The following UGT1A5 variants were observed in gnomAD, a reference collection of about 807,000 sequenced individuals.
The protein encoded by UGT1A5 is UDP-glucuronosyltransferase 1A5.
In UGT1A5, 29 loss-of-function variants were observed where a neutral mutation model predicts 40.3. The ratio of observed to expected loss-of-function variants is 0.72; its 90% CI spans 0.54 to 0.98. The LOEUF (loss-of-function observed/expected upper bound fraction) is 0.98, where lower values mean the gene tolerates loss of function less well. Among genes scored for constraint, UGT1A5 ranks in the 50% least tolerant of loss-of-function variants. The pLI is 0.00. For synonymous variants in UGT1A5, 257 were observed against 262.5 expected (o/e 0.98, Z 0.20); for missense variants, 678 against 677.9 (o/e 1.00, Z 0.00).
At chr2:233,735,563 C>T (rs530958068) in intron 1 of UGT1A5, among the ~76,000 whole-genome samples, 4 of 152,230 alleles carry the variant, frequency 2.6e-5, no homozygotes, top group East Asian at 1.9e-4. Flanking sequence ...ATGGTGTTAT[C>T]GGGTTATTTT....
At chr2:233,714,888 A>ATCTTTTTTTTT (rs148944858) in intron 1 of UGT1A5, among the ~76,000 whole-genome samples, 2 of 151,904 alleles carry the variant, frequency 1.3e-5, no homozygotes, top group African/African-American at 2.4e-5. Context: ...AAATTTTTCT[A>ATCTTTTTTTTT]TCTTTTGAGA....
In UGT1A5 at chr2:233,713,795, G is replaced by A. The variant is rs371219022; in HGVS notation, c.804G>A (p.Pro268=). The A allele has an allele frequency of 4.3e-5, 69 of 1,614,024 alleles. No homozygotes were observed. Among genetic ancestry groups the A allele is most frequent in the African/African-American group, 1.5e-4 (11 of 75,032 alleles). The part of the protein sequence containing the change: ...RGDFVMDYPR[P]IMPNMVFIGG... ...ACTTTGTGATGGATTACCCCAGGCC[G>A]ATCATGCCCAACATGGTCTTCATTG... Residue 268 remains proline (P), a synonymous_variant, in exon 1 of 5, where the codon CCG becomes CCA. Transcript: ENST00000373414.
At chr2:233,733,770 T>C (rs1256243948) in intron 1 of UGT1A5, among the ~76,000 whole-genome samples, 2 of 152,350 alleles carry the variant, frequency 1.3e-5, no homozygotes, top group East Asian at 3.9e-4. Context: ...AATTTTCTTT[T>C]TTTGTTGTGT....
At chr2:233,734,729 GT>G (rs200668434) in intron 1 of UGT1A5, among the ~76,000 whole-genome samples, 10,395 of 152,166 alleles carry the variant, frequency 0.068, 499 homozygotes, top group East Asian at 0.2. Flanking sequence ...GTTCTCGTCG[GT>G]TTCAAAGAAC....
At chr2:233,720,075 T>C (rs1197503417) in intron 1 of UGT1A5, among the ~76,000 whole-genome samples, 1 of 152,184 alleles carries the variant, frequency 6.6e-6, no homozygotes, top group Admixed American at 6.5e-5. Flanking sequence ...ATTAGAATTG[T>C]GGACATGATA....
At position 233,750,714 on chromosome 2, in the gene UGT1A5, G is replaced by A. The variant is rs569716311; in HGVS notation, c.868-16320G>A. On this transcript the variant is annotated intron_variant, in intron 1 of 4. Coordinates refer to ENST00000373414, the MANE Select transcript of UGT1A5 (RefSeq NM_019078.2). ...TAAAAGAGGCCAAGGTAGAGCTCAG[G>A]CCATTGCTTCAGAGGGTGCAAACCT... The A allele has an allele frequency of 6.6e-5, 10 of 152,072 alleles. No individual in the cohort carries two copies. In the South Asian group the frequency reaches 8.3e-4, roughly 13 times the overall value. The allele number at this position is 152,072 out of a possible 1,614,324, so 9.4% of individuals were successfully genotyped here. A position where few individuals can be genotyped will look rare whatever the true frequency, so the allele number is the denominator to read the frequency against.
intron 1 of UGT1A5, among the ~76,000 whole-genome samples, chr2:233,733,322 C>A (rs1174900134): frequency 6.6e-6 from 1 of 152,146 alleles, no homozygotes; most frequent in African/African-American, 2.4e-5. Context: ...CCTGATTGCC[C>A]TGGCCAGAAC....
chr2:233,738,651 A>G (rs1690862678), intron 1 of UGT1A5, among the ~76,000 whole-genome samples: 1 of 152,234 alleles, frequency 6.6e-6, no homozygotes, highest in Non-Finnish European at 1.5e-5. Context: ...GCTCTTTGGA[A>G]CTACGAACTT....
chr2:233,735,048 A>G lies in UGT1A5; in HGVS notation c.867+21190A>G, dbSNP rs536875851. On this transcript the variant is annotated intron_variant, in intron 1 of 4. Coordinates refer to ENST00000373414, the MANE Select transcript of UGT1A5 (RefSeq NM_019078.2). ...ATTAGGTCTGCTTGGTGCAGAGCTG[A>G]GTTCAGGTCCTGGATATCCTTGTTA... Among the ~76,000 whole-genome samples the G allele has an allele frequency of 3.9e-5, 6 of 152,322 alleles. No individual in the cohort carries two copies. The South Asian group carries it at 1.2e-3, about 32-fold the overall frequency.
chr2:233,756,509 C>T (rs138449392), intron 1 of UGT1A5, among the ~76,000 whole-genome samples: 7 of 151,986 alleles, frequency 4.6e-5, no homozygotes, highest in African/African-American at 1.7e-4. Context: ...TATGGAGGGT[C>T]AAATGTGCAT....
At chr2:233,741,088 C>T (rs758751982) in intron 1 of UGT1A5, among the ~76,000 whole-genome samples, 13 of 151,840 alleles carry the variant, frequency 8.6e-5, no homozygotes, top group Non-Finnish European at 1.9e-4. Flanking sequence ...TTAAAACAAA[C>T]AAGCAAACAG....
chr2:233,767,212 G>A (rs377453564), intron 2 of UGT1A5, 47 bp downstream of exon 2: 197 of 1,612,180 alleles, frequency 1.2e-4, no homozygotes, highest in Admixed American at 3.0e-4. Context: ...TCACAGGAGC[G>A]CTAATCCCAG....
At chr2:233,724,475 T>A (rs568755731) in intron 1 of UGT1A5, among the ~76,000 whole-genome samples, 8 of 68,812 alleles carry the variant, frequency 1.2e-4, no homozygotes, top group Non-Finnish European at 1.5e-4. Flanking sequence ...GGCTCCTCAC[T>A]TCTCAGACGG....
intron 1 of UGT1A5, chr2:233,741,740 C>T (rs1158976781): frequency 6.6e-6 from 1 of 151,864 alleles, no homozygotes; most frequent in Non-Finnish European, 1.5e-5. Flanking sequence ...CCATATCACA[C>T]TCTTTGTTGG....
chr2:233,743,990 C>T (rs541433916), intron 1 of UGT1A5: 26 of 1,267,206 alleles, frequency 2.1e-5, no homozygotes, highest in Admixed American at 2.4e-5. Context: ...GGCGCAGGCC[C>T]GAGTGCTCGG....
intron 1 of UGT1A5, among the ~76,000 whole-genome samples, chr2:233,759,584 C>T (rs1003659930): frequency 4.0e-5 from 6 of 149,692 alleles, no homozygotes; most frequent in Non-Finnish European, 3.0e-5. Flanking sequence ...TACCCCAGCA[C>T]GCCCCCCACC....
At chr2:233,744,492 G>A (rs1241222424) in intron 1 of UGT1A5, among the ~76,000 whole-genome samples, 2 of 152,034 alleles carry the variant, frequency 1.3e-5, no homozygotes, top group Admixed American at 1.3e-4. Flanking sequence ...GGGCAATTTA[G>A]TAAGAATAAA....
At chr2:233,760,143 G>C (rs2125979116) in intron 1 of UGT1A5, 1 of 1,431,624 alleles carries the variant, frequency 7.0e-7, no homozygotes, top group Non-Finnish European at 9.3e-7. Flanking sequence ...ATCTCTGAAA[G>C]TGAACTCCCT....
chr2:233,732,056 T>C (rs1452180341), intron 1 of UGT1A5, among the ~76,000 whole-genome samples: 3 of 152,242 alleles, frequency 2.0e-5, no homozygotes, highest in Admixed American at 6.5e-5. Context: ...CATTTATTCA[T>C]GTGTCTGTTG....
Sources: gnomAD v4.1 joint callset for allele counts (sites outside exome capture counted in the v4.1 genomes callset) on GRCh38, gnomAD v4.1.1 for gene constraint, MANE v1.5 for transcripts, NCBI Gene and HGNC (gene_info 2026-07-23, HGNC 2026-07-21) for gene names.